NRXN3: variants seen among roughly 807,000 people sequenced by gnomAD.
NRXN3 encodes neurexin III.
In NRXN3, 32 loss-of-function variants were observed where a neutral mutation model predicts 137.6. That is an observed-to-expected ratio of 0.23 (90% CI 0.18 to 0.31). The LOEUF is 0.31. NRXN3 is among the 10% of genes least tolerant of loss of function. The pLI, the probability that NRXN3 is intolerant of heterozygous loss-of-function variation, is 1.00. For synonymous variants in NRXN3, 798 were observed against 784.5 expected, an observed-to-expected ratio of 1.02 and a Z score of -0.29; for missense variants, 1,574 against 2,062.5, an observed-to-expected ratio of 0.76 and a Z score of 4.59.
At chr14:79,670,656 A>G (rs1461625522) in intron 17 of NRXN3, among the ~76,000 whole-genome samples, 6 of 152,102 alleles carry the variant, frequency 3.9e-5, no homozygotes, top group African/African-American at 1.4e-4. Context: ...CTATGGTGCA[A>G]ATCTATCAAC....
At chr14:78,467,248 G>A (rs1341335062) in intron 4 of NRXN3, among the ~76,000 whole-genome samples, 2 of 152,084 alleles carry the variant, frequency 1.3e-5, no homozygotes, top group Non-Finnish European at 2.9e-5. Context: ...AGAAATATTT[G>A]CAGGATCTCA....
chr14:78,518,288 T>A (rs951919188), intron 4 of NRXN3, among the ~76,000 whole-genome samples: 2 of 152,090 alleles, frequency 1.3e-5, no homozygotes, highest in Non-Finnish European at 2.9e-5. Flanking sequence ...GGTTTTGGTT[T>A]CTTAGGAAAT....
intron 15 of NRXN3, among the ~76,000 whole-genome samples, chr14:79,331,840 CTG>C (rs58746209): frequency 0.046 from 6,873 of 148,578 alleles, 176 homozygotes; most frequent in East Asian, 0.091. Context: ...AAGGCTTTTG[CTG>C]TGTGTGTGTG....
intron 15 of NRXN3, among the ~76,000 whole-genome samples, chr14:79,085,447 C>G (rs558687928): frequency 6.6e-6 from 1 of 152,064 alleles, no homozygotes; most frequent in Non-Finnish European, 1.5e-5. Flanking sequence ...AGTTTTTGAA[C>G]GTGCCCATTT....
At chr14:79,690,341 T>G (rs932772532) in intron 17 of NRXN3, among the ~76,000 whole-genome samples, 22 of 152,190 alleles carry the variant, frequency 1.4e-4, no homozygotes, top group African/African-American at 5.1e-4. Context: ...GATAGCTATA[T>G]TCTTTCGCCA....
chr14:78,863,465 G>A (rs2099078380), intron 10 of NRXN3, among the ~76,000 whole-genome samples: 1 of 151,876 alleles, frequency 6.6e-6, no homozygotes, highest in Non-Finnish European at 1.5e-5. Context: ...TGCTCTGATT[G>A]CTCTTTGTAT....
chr14:78,404,207 T>C (rs1039703971), intron 4 of NRXN3, among the ~76,000 whole-genome samples: 1 of 180 alleles, frequency 5.6e-3, no homozygotes, highest in Non-Finnish European at 0.018. Flanking sequence ...CTATTTTCCT[T>C]TTTTTTTTTT....
chr14:78,437,486 T>A (rs2094111621), intron 4 of NRXN3, among the ~76,000 whole-genome samples: 1 of 152,124 alleles, frequency 6.6e-6, no homozygotes, highest in Non-Finnish European at 1.5e-5. Flanking sequence ...GTAGCTGGGA[T>A]TACAGGCATG....
chr14:79,475,657 G>A (rs1172669813), intron 16 of NRXN3, among the ~76,000 whole-genome samples: 2 of 152,030 alleles, frequency 1.3e-5, no homozygotes, highest in Non-Finnish European at 2.9e-5. Flanking sequence ...GGCATATAGT[G>A]AGCTTTCAAT....
At chr14:78,332,186 A>C (rs960406162) in intron 4 of NRXN3, among the ~76,000 whole-genome samples, 3 of 152,182 alleles carry the variant, frequency 2.0e-5, no homozygotes, top group African/African-American at 7.2e-5. Flanking sequence ...CAGATAGTGG[A>C]ATACCTGGCA....
chr14:79,697,625 A>G lies in NRXN3; in HGVS notation c.3707-5A>G. On this transcript the variant is annotated splice_polypyrimidine_tract_variant and splice_region_variant and intron_variant, in intron 18 of 20. Transcript: ENST00000335750. Reference sequence around the variant, plus strand: ...TAATAATGTTTCCTCCACCCAACCCACTAGGCCGGCAGTTAACCATCTTCA... The same window carrying G: ...TAATAATGTTTCCTCCACCCAACCCGCTAGGCCGGCAGTTAACCATCTTCA... The G allele has an allele frequency of 6.2e-7, 1 of 1,610,008 alleles. No homozygotes were observed.
At chr14:79,569,219 C>G (rs2097575636) in intron 16 of NRXN3, among the ~76,000 whole-genome samples, 1 of 152,038 alleles carries the variant, frequency 6.6e-6, no homozygotes, top group Non-Finnish European at 1.5e-5. Context: ...TCCTACCAAA[C>G]AATCCCTGTT....
At chr14:78,494,586 G>A (rs113715188) in intron 4 of NRXN3, among the ~76,000 whole-genome samples, 1 of 152,038 alleles carries the variant, frequency 6.6e-6, no homozygotes, top group African/African-American at 2.4e-5. Context: ...CTGTAGCACT[G>A]GAAGAATATT....
chr14:78,622,128 A>C (rs566939777), intron 4 of NRXN3, among the ~76,000 whole-genome samples: 1 of 152,130 alleles, frequency 6.6e-6, no homozygotes, highest in Non-Finnish European at 1.5e-5. Context: ...TCAATGCCCC[A>C]TGGTACTACA....
At chr14:79,413,244 A>G (rs2095445083) in intron 15 of NRXN3, among the ~76,000 whole-genome samples, 1 of 152,110 alleles carries the variant, frequency 6.6e-6, no homozygotes, top group South Asian at 2.1e-4. Context: ...TCTGGAAGTC[A>G]CCTCTCTGTA....
At chr14:79,728,455 T>C (rs1244381637) in intron 19 of NRXN3, among the ~76,000 whole-genome samples, 1 of 152,156 alleles carries the variant, frequency 6.6e-6, no homozygotes. Context: ...CTTCCTCTCA[T>C]GAGGAGAAGG....
At chr14:78,827,688 T>C (rs371344496) in intron 10 of NRXN3, among the ~76,000 whole-genome samples, 8 of 152,344 alleles carry the variant, frequency 5.3e-5, no homozygotes, top group Admixed American at 5.2e-4. Flanking sequence ...CTGGCTTGCC[T>C]TGTTCCTGCC....
chr14:78,956,217 A>G (rs377556363), intron 10 of NRXN3, among the ~76,000 whole-genome samples: 10 of 152,202 alleles, frequency 6.6e-5, no homozygotes, highest in African/African-American at 1.9e-4. Flanking sequence ...GAGCTCAGCT[A>G]TCCTCCTACA....
intron 19 of NRXN3, among the ~76,000 whole-genome samples, chr14:79,794,895 T>A (rs2099156523): frequency 6.6e-6 from 1 of 152,250 alleles, no homozygotes; most frequent in Admixed American, 6.5e-5. Flanking sequence ...ATTGCATGTA[T>A]CTCCTCTGCT....
Sources: allele counts gnomAD v4.1 joint callset (sites outside exome capture counted in the v4.1 genomes callset), GRCh38; gene constraint gnomAD v4.1.1; transcripts MANE v1.5; gene names NCBI Gene and HGNC (gene_info 2026-07-23, HGNC 2026-07-21).